CIDEB: variants seen among roughly 807,000 people sequenced by gnomAD.
CIDEB encodes the protein lipid transferase CIDEB.
In CIDEB, 27 loss-of-function variants were observed where a neutral mutation model predicts 22.4. The observed-to-expected ratio is 1.21, with a 90% CI of 0.89 to 1.66. The LOEUF (loss-of-function observed/expected upper bound fraction) is 1.66. CIDEB is among the 40% of genes most tolerant of loss of function. The pLI, the probability that CIDEB is intolerant of heterozygous loss-of-function variation, is 0.00. For missense variants in CIDEB, 289 were observed against 268.7 expected, an observed-to-expected ratio of 1.08 and a Z score of -0.53; for synonymous variants, 103 against 109.5, an observed-to-expected ratio of 0.94 and a Z score of 0.37.
upstream of CIDEB, chr14:24,309,084 A>G (rs2041609347): frequency 6.6e-6 from 1 of 152,228 alleles, no homozygotes; most frequent in Non-Finnish European, 1.5e-5. Context: ...GCTGTAGCCC[A>G]CTCATTAAGT....
intron 2 of CIDEB, 57 bp downstream of exon 2, chr14:24,307,314 G>A (rs1426713471): frequency 2.6e-6 from 4 of 1,558,028 alleles, no homozygotes; most frequent in Non-Finnish European, 3.5e-6. Flanking sequence ...AGTTGCCACT[G>A]TTGTGGAGCC....
Position 24,305,568 on chromosome 14 carries a change from GA to G in CIDEB, c.*64del, listed in dbSNP as rs1460553831. 7 of 1,549,896 alleles carry G rather than the reference GA, an allele frequency of 4.5e-6. No homozygotes were observed. Among genetic ancestry groups the G allele is most frequent in the Middle Eastern group, 2.2e-4 (1 of 4,590 alleles). ...GTACTGTCTGCAGGTCCTGAAATTT[GA>G]TGCTGTCATAGTCTTTGCAGTGGGT... On this transcript the variant is annotated 3_prime_UTR_variant, in exon 5 of 5. Transcript: ENST00000554411.
chr14:24,306,415 G>A lies in CIDEB; in HGVS notation c.295C>T (p.Leu99=). ...FFQLLEDDTC[L]MVLQSGQSWS... ...CTCTGACCAGACTGCAACACCATCA[G>A]GCACGTGTCATCCTCCAGCAGCTGG... The change falls in exon 3 of 5, where the codon CTG becomes TTG. Residue 99 remains leucine, a synonymous_variant. Transcript: ENST00000554411. 6.2e-7 allele frequency: 1 copy of A among 1,614,200 alleles called. No individual in the cohort carries two copies. The highest frequency in any genetic ancestry group is 8.5e-7 in the Non-Finnish European group (1 of 1,180,044).
chr14:24,310,695 G>A (rs2041664238), upstream of CIDEB: 5 of 1,613,598 alleles, frequency 3.1e-6, no homozygotes, highest in Non-Finnish European at 3.4e-6. Flanking sequence ...CCCAGGGAAC[G>A]AGACACTGCT....
At chr14:24,307,628 C>T (rs1388890604) in intron 1 of CIDEB, 113 bp from the exon 2 acceptor site, 9 of 1,303,320 alleles carry the variant, frequency 6.9e-6, no homozygotes, top group East Asian at 2.4e-5. Context: ...CTAGGTTTAT[C>T]GATTAGGGAT....
At chr14:24,308,705 GTGA>G (rs2041597398), upstream of CIDEB, 2 of 152,248 alleles carry the variant, frequency 1.3e-5, no homozygotes, top group African/African-American at 4.8e-5. Flanking sequence ...AGTTGCAGCC[GTGA>G]TGGACAGTTG....
At chr14:24,310,769 G>A (rs888507787), upstream of CIDEB, 3 of 1,607,988 alleles carry the variant, frequency 1.9e-6, no homozygotes, top group African/African-American at 2.7e-5. Flanking sequence ...TGCTGGGGCT[G>A]CCTGGCAACG....
chr14:24,311,319 G>A (rs1355292153), upstream of CIDEB: 5 of 1,597,952 alleles, frequency 3.1e-6, no homozygotes, highest in Non-Finnish European at 4.3e-6. Context: ...CGGGCGGCAC[G>A]GGGCGCGGGT....
rs144864084 is a variant in CIDEB, at chr14:24,305,972, C to G, written c.502G>C (p.Gly168Arg). The change falls in exon 4 of 5, where the codon GGA becomes CGA. Residue 168 changes from glycine (G) to arginine (R), a missense_variant. Coordinates refer to ENST00000554411, the MANE Select transcript of CIDEB (RefSeq NM_001393339.1). ...GLYSMSCDFQ[G>R]LGPKKVLREL... Reference sequence around the variant, plus strand: ...CTGAGTACTTTCTTTGGGCCAAGTCCTTGAAAGTCACAACTCATAGAGTAG... The same window carrying G: ...CTGAGTACTTTCTTTGGGCCAAGTCGTTGAAAGTCACAACTCATAGAGTAG... 8.7e-6 allele frequency: 14 copies of G among 1,613,954 alleles called. No individual in the cohort carries two copies. Among genetic ancestry groups the G allele is most frequent in the Non-Finnish European group, 1.2e-5 (14 of 1,179,908 alleles).
chr14:24,308,567 G>A (rs2041593829), upstream of CIDEB: 1 of 153,596 alleles, frequency 6.5e-6, no homozygotes, highest in Non-Finnish European at 1.5e-5. Context: ...GTCACACTTA[G>A]GTCATCTTCT....
intron 2 of CIDEB, 155 bp from the exon 3 acceptor site, chr14:24,306,678 G>C (rs1261668214): frequency 5.7e-6 from 5 of 874,144 alleles, no homozygotes; most frequent in Non-Finnish European, 8.7e-6. Flanking sequence ...AGCTCTCCGT[G>C]TTCTTCAGTT....
At chr14:24,310,777 A>G, upstream of CIDEB, 1 of 1,606,688 alleles carries the variant, frequency 6.2e-7, no homozygotes, top group South Asian at 1.1e-5. Context: ...CTGCCTGGCA[A>G]CGGCTTCGTG....
rs775358157 is a variant in CIDEB, at chr14:24,306,048, G to A, written c.426C>T (p.Asn142=). 1.9e-6 allele frequency: 3 copies of A among 1,614,064 alleles called. No individual in the cohort carries two copies. The highest frequency in any genetic ancestry group is 1.3e-5 in the African/African-American group (1 of 74,932). The part of the protein sequence containing the change: ...ARFTFDVYKQ[N]PRDLFGSLNV... ...TCAGGCTGCCAAAGAGGTCTCGAGG[G>A]TTTTGCTTGTACACGTCAAAGGTGA... The change falls in exon 4 of 5, where the codon AAC becomes AAT. Residue 142 remains asparagine (N), a synonymous_variant. Transcript: ENST00000554411.
At chr14:24,306,219 C>T in intron 3 of CIDEB, 82 bp from the exon 4 acceptor site, 1 of 1,536,402 alleles carries the variant, frequency 6.5e-7, no homozygotes, top group Admixed American at 1.7e-5. Flanking sequence ...GTCAGACCCT[C>T]CCTCGCTTGG....
At chr14:24,311,086 T>C, upstream of CIDEB, 3 of 1,562,278 alleles carry the variant, frequency 1.9e-6, no homozygotes, top group African/African-American at 4.2e-5. Flanking sequence ...GCCCGCCGCC[T>C]GCTGCTGGCG....
chr14:24,307,626 A>G, intron 1 of CIDEB, 111 bp from the exon 2 acceptor site: 2 of 1,308,588 alleles, frequency 1.5e-6, no homozygotes. Flanking sequence ...ATCTAGGTTT[A>G]TCGATTAGGG....
At position 24,305,365 on chromosome 14, in the gene CIDEB, G is replaced by C; in HGVS notation, c.*268C>G. On this transcript the variant is annotated 3_prime_UTR_variant, in exon 5 of 5. Coordinates refer to ENST00000554411, the MANE Select transcript of CIDEB (RefSeq NM_001393339.1). ...GCAGCAGTCAGGCTGGGATCAAGAT[G>C]CCTGGGGGACATCTTGATCTTGGCC... The C allele has an allele frequency of 1.8e-6, 1 of 569,964 alleles. No homozygotes were observed. Among genetic ancestry groups the C allele is most frequent in the East Asian group, 3.0e-5 (1 of 33,068 alleles). The allele number at this position is 569,964 out of a possible 1,614,324, so 35.3% of individuals were successfully genotyped here.
At position 24,307,523 on chromosome 14, in the gene CIDEB, T is replaced by C; in HGVS notation, c.42-8A>G. ...CTTATATTAGATACTGACCTGGTAG[T>C]TGAGAAGAAAAGTCAAGAAGGGGCG... On this transcript the variant is annotated splice_polypyrimidine_tract_variant and splice_region_variant and intron_variant, in intron 1 of 4. Transcript: ENST00000554411. 1.2e-6 allele frequency: 2 copies of C among 1,611,808 alleles called. No homozygotes were observed. Among genetic ancestry groups the C allele is most frequent in the Non-Finnish European group, 1.7e-6 (2 of 1,178,616 alleles).
upstream of CIDEB, chr14:24,308,023 G>A: frequency 1.5e-6 from 1 of 669,788 alleles, no homozygotes. Context: ...AGTAAGAAGG[G>A]CAAAGTCCAA....
Sources: gnomAD v4.1 joint callset for allele counts on GRCh38, gnomAD v4.1.1 for gene constraint, MANE v1.5 for transcripts, NCBI Gene and HGNC (gene_info 2026-07-23, HGNC 2026-07-21) for gene names.